IL16: variants seen among roughly 807,000 people sequenced by gnomAD.
IL16 encodes pro-interleukin-16.
Under a neutral mutation model 110.1 loss-of-function variants are expected in IL16, and 67 were observed. The observed-to-expected ratio is 0.61, with a 90% CI of 0.50 to 0.75. The LOEUF (loss-of-function observed/expected upper bound fraction) is 0.75, where lower values mean the gene tolerates loss of function less well. Among genes scored for constraint, IL16 ranks in the 30% least tolerant of loss-of-function variants. The pLI is 0.00. For missense variants in IL16, 1,545 were observed against 1,655.0 expected (o/e 0.93, Z 1.15); for synonymous variants, 689 against 662.9 (o/e 1.04, Z -0.61).
chr15:81,269,517 T>A (rs746521409), intron 4 of IL16, 21 bp from the exon 5 acceptor site: 6 of 1,563,350 alleles, frequency 3.8e-6, no homozygotes, highest in Non-Finnish European at 5.3e-6. Context: ...ATCTTCTGCC[T>A]ACTCTGGTTC....
chr15:81,229,284 G>A (rs1896894071), intron 2 of IL16, among the ~76,000 whole-genome samples: 1 of 152,112 alleles, frequency 6.6e-6, no homozygotes, highest in Non-Finnish European at 1.5e-5. Flanking sequence ...AGACAGTGTG[G>A]GGAGGGGCGT....
chr15:81,306,553 G>A lies in IL16; in HGVS notation c.3805+8G>A. ...TTAACAGGATTTTCAAAGGTGTGGGGTGTGTCTGGTTCTTTGCGTGCTCTC... is the reference window on the plus strand; with the variant it reads ...TTAACAGGATTTTCAAAGGTGTGGGATGTGTCTGGTTCTTTGCGTGCTCTC... On this transcript the variant is annotated splice_region_variant and intron_variant, in intron 18 of 18. Transcript: ENST00000683961. The A allele has an allele frequency of 6.2e-7, 1 of 1,611,556 alleles. No homozygotes were observed. Among genetic ancestry groups the A allele is most frequent in the East Asian group, 2.2e-5 (1 of 44,888 alleles).
At position 81,288,978 on chromosome 15, in the gene IL16, T is replaced by G. The variant is rs531326801; in HGVS notation, c.1333-1475T>G. Among the ~76,000 whole-genome samples the G allele has an allele frequency of 1.5e-3, 225 of 152,290 alleles. 2 individuals carry two copies. In the Middle Eastern group the frequency reaches 0.024, roughly 16 times the overall value. On this transcript the variant is annotated intron_variant, in intron 10 of 18. Coordinates refer to ENST00000683961, the MANE Select transcript of IL16 (RefSeq NM_172217.5). ...ATTCCTCTGAGATACTGACTTCCCT[T>G]CTTTTAGGGTATATACCCAGAAGTG... is the stretch of plus-strand genomic sequence containing the variant.
At chr15:81,275,366 GGAGGGGAGGGGAGGGGA>G (rs1898859761) in intron 6 of IL16, among the ~76,000 whole-genome samples, 8 of 55,440 alleles carry the variant, frequency 1.4e-4, no homozygotes, top group African/African-American at 5.2e-4. Context: ...AGGAGGGGGG[GGAGGGGAGGGGAGGGGA>G]GGGGAGGGGA....
At chr15:81,275,160 A>G (rs1898839750) in intron 6 of IL16, among the ~76,000 whole-genome samples, 1 of 151,052 alleles carries the variant, frequency 6.6e-6, no homozygotes, top group South Asian at 2.1e-4. Flanking sequence ...GGAGGAGGAA[A>G]AGGAAGGCAA....
chr15:81,250,829 G>C (rs1016501063), intron 2 of IL16, among the ~76,000 whole-genome samples: 15 of 152,166 alleles, frequency 9.9e-5, no homozygotes, highest in Non-Finnish European at 1.9e-4. Flanking sequence ...CATTTCCTGA[G>C]GGAGGGGATT....
chr15:81,280,717 A>G (rs1363646389), intron 8 of IL16, among the ~76,000 whole-genome samples: 2 of 152,138 alleles, frequency 1.3e-5, no homozygotes, highest in Admixed American at 1.3e-4. Context: ...TGTGTGTTTT[A>G]ACTCTCCTGC....
chr15:81,305,651 TG>T, intron 16 of IL16: 23 of 474,888 alleles, frequency 4.8e-5, no homozygotes, highest in South Asian at 1.6e-4. Flanking sequence ...AGAATCGTGG[TG>T]GTACACTATA....
chr15:81,241,743 G>A (rs557706004), intron 2 of IL16, among the ~76,000 whole-genome samples: 1 of 151,988 alleles, frequency 6.6e-6, no homozygotes, highest in Admixed American at 6.6e-5. Context: ...TAAAATTATA[G>A]TAGAATATTA....
chr15:81,219,211 A>G (rs1245237360), intron 1 of IL16, among the ~76,000 whole-genome samples: 2 of 152,054 alleles, frequency 1.3e-5, no homozygotes, highest in East Asian at 1.9e-4. Context: ...GGACATCCCT[A>G]TGTGTAGCTT....
chr15:81,207,525 A>C (rs79231074), intron 1 of IL16, among the ~76,000 whole-genome samples: 6,264 of 123,492 alleles, frequency 0.051, 216 homozygotes, highest in East Asian at 0.18. Flanking sequence ...CCTCCCACCC[A>C]CCCCCTCTAG....
intron 10 of IL16, 136 bp downstream of exon 10, chr15:81,285,966 TGTA>T: frequency 1.1e-6 from 1 of 929,520 alleles, no homozygotes. Flanking sequence ...TCCAAGTTTC[TGTA>T]GTAAGAATTG....
At position 81,298,617 on chromosome 15, in the gene IL16, G is replaced by C. The variant is rs1180367241; in HGVS notation, c.2054-763G>C. The stretch of plus-strand genomic sequence containing the variant: ...CGTCAGTATTTTTCAGGGCCCTCCA[G>C]ATTCCAGTATGTAGCCAAGGTGGAG... On this transcript the variant is annotated intron_variant, in intron 13 of 18. Coordinates refer to ENST00000683961, the MANE Select transcript of IL16 (RefSeq NM_172217.5). 2.0e-5 allele frequency among the ~76,000 whole-genome samples: 3 copies of C among 152,192 alleles called. No individual in the cohort carries two copies. The East Asian group carries it at 5.8e-4, about 29-fold the overall frequency.
chr15:81,289,887 T>A, intron 10 of IL16: 1 of 452,372 alleles, frequency 2.2e-6, no homozygotes, highest in Middle Eastern at 3.3e-4. Context: ...GGTTTTATTA[T>A]TGTTATTATT....
intron 1 of IL16, among the ~76,000 whole-genome samples, chr15:81,221,888 T>A (rs2142025242): frequency 6.6e-6 from 1 of 152,280 alleles, no homozygotes; most frequent in Non-Finnish European, 1.5e-5. Context: ...CAGACACTCC[T>A]GCAAATGGTG....
At chr15:81,232,692 G>A (rs1384234036) in intron 2 of IL16, among the ~76,000 whole-genome samples, 1 of 152,100 alleles carries the variant, frequency 6.6e-6, no homozygotes, top group Non-Finnish European at 1.5e-5. Context: ...AAACAACTTT[G>A]TCTTCCTGGA....
intron 1 of IL16, among the ~76,000 whole-genome samples, chr15:81,200,229 A>G (rs1398636310): frequency 6.6e-6 from 1 of 151,664 alleles, no homozygotes; most frequent in African/African-American, 2.4e-5. Flanking sequence ...GAAAGTTTTT[A>G]GTTATATATA....
At chr15:81,250,526 A>T (rs534332257) in intron 2 of IL16, among the ~76,000 whole-genome samples, 62 of 151,106 alleles carry the variant, frequency 4.1e-4, no homozygotes, top group Admixed American at 1.4e-3. Flanking sequence ...TTTTGCTTTG[A>T]TTTTTTTTTC....
chr15:81,222,643 G>A (rs1322065665), intron 1 of IL16, among the ~76,000 whole-genome samples: 1 of 151,706 alleles, frequency 6.6e-6, no homozygotes, highest in African/African-American at 2.4e-5. Context: ...TTCCTGTTTA[G>A]CACCAGCAAA....
Sources: allele counts gnomAD v4.1 joint callset (sites outside exome capture counted in the v4.1 genomes callset), GRCh38; gene constraint gnomAD v4.1.1; transcripts MANE v1.5; gene names NCBI Gene and HGNC (gene_info 2026-07-23, HGNC 2026-07-21).